The following RABGAP1L variants were observed in gnomAD, a reference collection of about 807,000 sequenced individuals.
The protein encoded by RABGAP1L is rab GTPase-activating protein 1-like.
In RABGAP1L, 63 loss-of-function variants were observed where a neutral mutation model predicts 137.7. The observed-to-expected ratio is 0.46, with a 90% CI of 0.37 to 0.56. The LOEUF is 0.56. RABGAP1L is among the 20% of genes least tolerant of loss of function. RABGAP1L has a pLI of 0.00. For synonymous variants in RABGAP1L, 431 were observed against 433.7 expected (o/e 0.99, Z 0.08); for missense variants, 1,095 against 1,244.0 (o/e 0.88, Z 1.80).
In RABGAP1L at chr1:174,957,516, G is replaced by C. The variant is rs746883193; in HGVS notation, c.2400G>C (p.Gln800His). The C allele has an allele frequency of 2.5e-6, 4 of 1,613,054 alleles. No homozygotes were observed. In the South Asian group the frequency reaches 4.4e-5, roughly 18 times the overall value. The change falls in exon 20 of 26, where the codon CAG becomes CAC. Residue 800 changes from glutamine (Q) to histidine (H), a missense_variant. By Grantham distance (24) the Gln-to-His change is conservative. Around this residue, in one of 4 missense-constraint regions of RABGAP1L, gnomAD observed 312 missense variants for 435.6 expected, o/e 0.72. Coordinates refer to ENST00000681986, the MANE Select transcript of RABGAP1L (RefSeq NM_001366446.1). The part of the protein sequence containing the change: ...EKEYQTMRES[Q>H]LQQEDPMDRY... ...AATATCAGACAATGCGAGAGAGTCA[G>C]CTGCAACAGGAAGACCCAATGGATA...
chr1:174,387,099 T>A (rs906430975), intron 12 of RABGAP1L, among the ~76,000 whole-genome samples: 4 of 152,366 alleles, frequency 2.6e-5, no homozygotes, highest in African/African-American at 9.6e-5. Context: ...ACATAGTTTC[T>A]ACCTTTGAGG....
At chr1:174,503,532 G>A (rs1258577221) in intron 13 of RABGAP1L, among the ~76,000 whole-genome samples, 1 of 151,716 alleles carries the variant, frequency 6.6e-6, no homozygotes, top group Non-Finnish European at 1.5e-5. Context: ...GTGGTGATGG[G>A]CTCCTGTAGT....
intron 18 of RABGAP1L, among the ~76,000 whole-genome samples, chr1:174,779,453 C>G (rs925483748): frequency 1.3e-5 from 2 of 152,152 alleles, no homozygotes; most frequent in African/African-American, 4.8e-5. Context: ...CAGTGTGAGG[C>G]TGTTTATCCC....
At position 174,371,018 on chromosome 1, in the gene RABGAP1L, C is replaced by T; in HGVS notation, c.1505C>T (p.Ser502Phe). 1 of 1,508,036 alleles carries T rather than the reference C, an allele frequency of 6.6e-7. No homozygotes were observed. The highest frequency in any genetic ancestry group is 9.0e-7 in the Non-Finnish European group (1 of 1,111,300). 93.4% of individuals were successfully genotyped at this position (1,508,036 alleles called of 1,614,324 possible). A position where few individuals can be genotyped will look rare whatever the true frequency, so the allele number is the denominator to read the frequency against. ...NELSSGTGDV[S>F]KDCPEKILYS... Reference sequence around the variant, plus strand: ...CTCTCAAGTGGAACAGGTGATGTGTCTAAGGATTGTCCTGAGAAGATCCTG... The same window carrying T: ...CTCTCAAGTGGAACAGGTGATGTGTTTAAGGATTGTCCTGAGAAGATCCTG... Residue 502 changes from serine (S) to phenylalanine (F), a missense_variant, in exon 12 of 26, where the codon TCT (serine) becomes TTT (phenylalanine). Transcript: ENST00000681986.
intron 17 of RABGAP1L, among the ~76,000 whole-genome samples, chr1:174,727,289 A>T (rs549445876): frequency 6.8e-4 from 104 of 152,158 alleles, no homozygotes; most frequent in Non-Finnish European, 1.1e-3. Context: ...TTGCTATAGG[A>T]TCATAAACTC....
At chr1:174,275,668 A>C (rs1292505179) in intron 8 of RABGAP1L, among the ~76,000 whole-genome samples, 165 bp from the exon 9 acceptor site, 3 of 152,210 alleles carry the variant, frequency 2.0e-5, no homozygotes, top group Non-Finnish European at 2.9e-5. Context: ...TTTAATATTT[A>C]AATAAATGCT....
chr1:174,576,051 A>C (rs1204784711), intron 13 of RABGAP1L, among the ~76,000 whole-genome samples: 1 of 152,234 alleles, frequency 6.6e-6, no homozygotes, highest in Non-Finnish European at 1.5e-5. Flanking sequence ...GTGCATCAGT[A>C]ATTTCTAACA....
intron 18 of RABGAP1L, among the ~76,000 whole-genome samples, chr1:174,764,347 T>C (rs1349229603): frequency 6.6e-6 from 1 of 152,206 alleles, no homozygotes; most frequent in Non-Finnish European, 1.5e-5. Flanking sequence ...TTGGATCATA[T>C]GGTAATTATG....
At chr1:174,607,385 C>A (rs982763366) in intron 13 of RABGAP1L, among the ~76,000 whole-genome samples, 1 of 152,130 alleles carries the variant, frequency 6.6e-6, no homozygotes, top group Non-Finnish European at 1.5e-5. Context: ...GTTGCAATAC[C>A]TGCTCTCAGA....
intron 13 of RABGAP1L, among the ~76,000 whole-genome samples, chr1:174,479,879 G>C (rs1413772560): frequency 6.6e-6 from 1 of 152,012 alleles, no homozygotes; most frequent in Non-Finnish European, 1.5e-5. Context: ...ATTCTGACTA[G>C]GATATTTACT....
At chr1:174,304,465 A>G (rs1051539985) in intron 10 of RABGAP1L, among the ~76,000 whole-genome samples, 8 of 151,918 alleles carry the variant, frequency 5.3e-5, no homozygotes, top group African/African-American at 1.9e-4. Context: ...ATATATTTAT[A>G]TATGTAACCC....
At chr1:174,459,753 G>A (rs1025825382) in intron 13 of RABGAP1L, among the ~76,000 whole-genome samples, 1 of 152,000 alleles carries the variant, frequency 6.6e-6, no homozygotes, top group Non-Finnish European at 1.5e-5. Context: ...TATGAATATG[G>A]AGGACTGACT....
intron 13 of RABGAP1L, among the ~76,000 whole-genome samples, chr1:174,596,260 C>T (rs1370910659): frequency 2.0e-5 from 3 of 149,974 alleles, no homozygotes; most frequent in South Asian, 2.1e-4. Flanking sequence ...TCTGGCACTC[C>T]CTAGTGAGAT....
At chr1:174,188,835 G>A (rs1415004784) in intron 1 of RABGAP1L, among the ~76,000 whole-genome samples, 1 of 152,182 alleles carries the variant, frequency 6.6e-6, no homozygotes, top group Admixed American at 6.5e-5. Context: ...CACAGGCAGA[G>A]TAGATTTTGC....
chr1:174,746,975 T>A (rs1457978366), intron 17 of RABGAP1L, among the ~76,000 whole-genome samples: 1 of 152,254 alleles, frequency 6.6e-6, no homozygotes, highest in Non-Finnish European at 1.5e-5. Context: ...TATTTTTTAC[T>A]CTTAATAATT....
At chr1:174,851,183 T>TA (rs1464317985) in intron 19 of RABGAP1L, among the ~76,000 whole-genome samples, 1 of 152,228 alleles carries the variant, frequency 6.6e-6, no homozygotes, top group Admixed American at 6.5e-5. Flanking sequence ...AGCTGCTAAA[T>TA]ATGTTATATA....
intron 18 of RABGAP1L, among the ~76,000 whole-genome samples, chr1:174,801,993 G>A (rs898176838): frequency 3.0e-4 from 46 of 152,048 alleles, no homozygotes; most frequent in Non-Finnish European, 4.6e-4. Flanking sequence ...ACCTCTCTTT[G>A]GCATTTACAT....
chr1:174,978,463 T>C (rs1250166787), intron 22 of RABGAP1L, among the ~76,000 whole-genome samples: 2 of 152,252 alleles, frequency 1.3e-5, no homozygotes, highest in African/African-American at 4.8e-5. Context: ...AAATTTAGCA[T>C]GCAGTATTGC....
Position 174,563,894 on chromosome 1 carries a change from A to G in RABGAP1L, c.1711-73481A>G, listed in dbSNP as rs141909701. 1.9e-3 allele frequency among the ~76,000 whole-genome samples: 288 copies of G among 152,252 alleles called. 2 individuals carry two copies. Among genetic ancestry groups the G allele is most frequent in the African/African-American group, 6.7e-3 (277 of 41,548 alleles). The stretch of plus-strand genomic sequence containing the variant: ...GCCAGAGATTAAAGTCACAGAAAAA[A>G]ATGTTGTTACCCCAGGTCTTGCCAC... On this transcript the variant is annotated intron_variant, in intron 13 of 25. Transcript: ENST00000681986.
Sources: allele counts gnomAD v4.1 joint callset (sites outside exome capture counted in the v4.1 genomes callset), GRCh38; gene constraint gnomAD v4.1.1; regional missense constraint gnomAD v4.1.1; transcripts MANE v1.5; gene names NCBI Gene and HGNC (gene_info 2026-07-23, HGNC 2026-07-21).